The following RPRM variants were observed in gnomAD, a reference collection of about 807,000 sequenced individuals.
The protein encoded by RPRM is reprimo, TP53 dependent G2 arrest mediator homolog, also known as protein reprimo.
A neutral mutation model predicts 5.2 loss-of-function variants in RPRM; 3 were observed. That is an observed-to-expected ratio of 0.58 (90% CI 0.26 to 1.50). The LOEUF (loss-of-function observed/expected upper bound fraction) is 1.50. RPRM is among the 40% of genes most tolerant of loss of function. RPRM has a pLI of 0.13. For synonymous variants in RPRM, 70 were observed against 69.9 expected (o/e 1.00, Z -0.01); for missense variants, 135 against 154.5 (o/e 0.87, Z 0.67).
In RPRM at chr2:153,477,903, A is replaced by G. The variant is rs1244547739; in HGVS notation, c.*333T>C. 3 of 335,870 alleles carry G rather than the reference A, an allele frequency of 8.9e-6. No individual in the cohort carries two copies. Among genetic ancestry groups the G allele is most frequent in the Non-Finnish European group, 1.7e-5 (3 of 180,742 alleles). 20.8% of individuals were successfully genotyped at this position (335,870 alleles called of 1,614,324 possible). On this transcript the variant is annotated 3_prime_UTR_variant, in exon 1 of 1. Transcript: ENST00000325926. Reference sequence around the variant, plus strand: ...GCCCGCCCTCTCCACCTGCCCCCAGAGCTTGGCCCACCTGCGGGTGGAGAA... The same window carrying G: ...GCCCGCCCTCTCCACCTGCCCCCAGGGCTTGGCCCACCTGCGGGTGGAGAA...
rs1018896774 is a variant in RPRM at position 153,478,105 on chromosome 2, G to A, written c.*131C>T. ...AGGGAGAAACCGGTCGCTTCTTTCC[G>A]AAAGGCCGAAGTCGAGAGAAATAAT... On this transcript the variant is annotated 3_prime_UTR_variant, in exon 1 of 1. Transcript: ENST00000325926. The A allele has an allele frequency of 1.4e-6, 1 of 726,294 alleles. No individual in the cohort carries two copies. The allele number at this position is 726,294 out of a possible 1,614,324, so 45.0% of individuals were successfully genotyped here.
In RPRM at chr2:153,478,587, C is replaced by T. The variant is rs754545445; in HGVS notation, c.-22G>A. The T allele has an allele frequency of 6.6e-7, 1 of 1,525,590 alleles. No homozygotes were observed. The highest frequency in any genetic ancestry group is 8.8e-7 in the Non-Finnish European group (1 of 1,138,438). The allele number at this position is 1,525,590 out of a possible 1,614,324, so 94.5% of individuals were successfully genotyped here. ...TCATCGCAGGAACGGGCGGGCGCCG[C>T]GAGCGGCGCGGGTCCGAGGGGTGGG... On this transcript the variant is annotated 5_prime_UTR_variant, in exon 1 of 1. Transcript: ENST00000325926.
Position 153,478,183 on chromosome 2 carries a change from G to A in RPRM, c.*53C>T. ...TCTCTGATAGTGAGGGGCACAGCCG[G>A]GCTAGCAAAGTGGGCAGGCGTGGGA... is the stretch of plus-strand genomic sequence containing the variant. On this transcript the variant is annotated 3_prime_UTR_variant, in exon 1 of 1. Transcript: ENST00000325926. The A allele has an allele frequency of 1.4e-6, 2 of 1,452,498 alleles. No individual in the cohort carries two copies. The highest frequency in any genetic ancestry group is 1.3e-5 in the South Asian group (1 of 78,698). 90.0% of individuals were successfully genotyped at this position (1,452,498 alleles called of 1,614,324 possible).
In RPRM at chr2:153,478,736, C is replaced by T. The variant is rs563173971; in HGVS notation, c.-171G>A. On this transcript the variant is annotated 5_prime_UTR_variant, in exon 1 of 1. Transcript: ENST00000325926. ...CGTGGGAGTTTCCCAGGAGCCTCTCCGACGCGCGCAGCAGCTAGGCTCTTC... is the reference window on the plus strand; with the variant it reads ...CGTGGGAGTTTCCCAGGAGCCTCTCTGACGCGCGCAGCAGCTAGGCTCTTC... 3.8e-5 allele frequency: 23 copies of T among 611,442 alleles called. No homozygotes were observed. The South Asian group carries it at 4.5e-4, about 12-fold the overall frequency. 37.9% of individuals were successfully genotyped at this position (611,442 alleles called of 1,614,324 possible).
At position 153,478,688 on chromosome 2, in the gene RPRM, T is replaced by A; in HGVS notation, c.-123A>T. 1.2e-6 allele frequency: 1 copy of A among 810,128 alleles called. No individual in the cohort carries two copies. The highest frequency in any genetic ancestry group is 1.9e-6 in the Non-Finnish European group (1 of 518,350). 50.2% of individuals were successfully genotyped at this position (810,128 alleles called of 1,614,324 possible). On this transcript the variant is annotated 5_prime_UTR_variant, in exon 1 of 1. Coordinates refer to ENST00000325926, the MANE Select transcript of RPRM (RefSeq NM_019845.3). ...ACTAGCGCGTGCGAGGGCTCCTCGC[T>A]CTGCTTTCGAAAGTCCCTGGGCCGT...
rs1476196118 is a variant in RPRM, at chr2:153,477,386, A to C, written c.*850T>G. 2 of 152,642 alleles carry C rather than the reference A, an allele frequency of 1.3e-5. No individual in the cohort carries two copies. Among genetic ancestry groups the C allele is most frequent in the African/African-American group, 4.8e-5 (2 of 41,450 alleles). The allele number at this position is 152,642 out of a possible 1,614,324, so 9.5% of individuals were successfully genotyped here. A position where few individuals can be genotyped will look rare whatever the true frequency, so the allele number is the denominator to read the frequency against. On this transcript the variant is annotated 3_prime_UTR_variant, in exon 1 of 1. Transcript: ENST00000325926. ...TAAGGAAATGTTAAATAAGAAAAAA[A>C]CAAAAAGTCAAAACGGTGTCACGGA... is the stretch of plus-strand genomic sequence containing the variant.
chr2:153,477,783 A>G lies in RPRM; in HGVS notation c.*453T>C, dbSNP rs973231877. 1 of 160,896 alleles carries G rather than the reference A, an allele frequency of 6.2e-6. No homozygotes were observed. The highest frequency in any genetic ancestry group is 2.4e-5 in the African/African-American group (1 of 41,590). The allele number at this position is 160,896 out of a possible 1,614,324, so 10.0% of individuals were successfully genotyped here. On this transcript the variant is annotated 3_prime_UTR_variant, in exon 1 of 1. Coordinates refer to ENST00000325926, the MANE Select transcript of RPRM (RefSeq NM_019845.3). ...AGGAGAAGAGTGGGAGCGCACCCGG[A>G]CACGGATTTGTGAGACCCCATGAGT...
rs1407371489 is a variant in RPRM at position 153,477,492 on chromosome 2, G to T, written c.*744C>A. 6.6e-6 allele frequency: 1 copy of T among 152,510 alleles called. No homozygotes were observed. Among genetic ancestry groups the T allele is most frequent in the Non-Finnish European group, 1.5e-5 (1 of 68,032 alleles). The allele number at this position is 152,510 out of a possible 1,614,324, so 9.4% of individuals were successfully genotyped here. A position where few individuals can be genotyped will look rare whatever the true frequency, so the allele number is the denominator to read the frequency against. On this transcript the variant is annotated 3_prime_UTR_variant, in exon 1 of 1. Transcript: ENST00000325926. ...CTGGGTCTTTGTCCCAGGGCCAGCAGGAACGCTAGACGCCTCCCAAAAGAC... is the reference window on the plus strand; with the variant it reads ...CTGGGTCTTTGTCCCAGGGCCAGCATGAACGCTAGACGCCTCCCAAAAGAC...
rs1684190875 is a variant in RPRM, at chr2:153,478,392, C to A, written c.174G>T (p.Gln58His). The A allele has an allele frequency of 6.2e-7, 1 of 1,614,080 alleles. No homozygotes were observed. The highest frequency in any genetic ancestry group is 1.1e-5 in the South Asian group (1 of 91,096). ...ERSLYIMRVV[Q>H]IAVMCVLSLT... ...GTGAGAGCACGCACATGACCGCGAT[C>A]TGCACCACGCGCATTATGTACAGGC... The change falls in exon 1 of 1, where the codon CAG becomes CAT. Residue 58 changes from glutamine (Q) to histidine (H), a missense_variant. Physicochemically the swap from Gln to His is conservative, Grantham distance 24. Transcript: ENST00000325926.
rs1277814585 is a variant in RPRM, at chr2:153,478,631, G to A, written c.-66C>T. On this transcript the variant is annotated 5_prime_UTR_variant, in exon 1 of 1. Transcript: ENST00000325926. ...GGGTGGGAAGGCGGCGGCGCTGGAG[G>A]AACAGGTGCCGGGCTGAGCGCTCAC... 12 of 1,309,528 alleles carry A rather than the reference G, an allele frequency of 9.2e-6. No homozygotes were observed. In the Admixed American group the frequency reaches 3.0e-4, roughly 33 times the overall value. 81.1% of individuals were successfully genotyped at this position (1,309,528 alleles called of 1,614,324 possible).
chr2:153,478,702 T>C lies in RPRM; in HGVS notation c.-137A>G. ...GGGCTCCTCGCTCTGCTTTCGAAAGTCCCTGGGCCGTGGGAGTTTCCCAGG... is the reference window on the plus strand; with the variant it reads ...GGGCTCCTCGCTCTGCTTTCGAAAGCCCCTGGGCCGTGGGAGTTTCCCAGG... On this transcript the variant is annotated 5_prime_UTR_variant, in exon 1 of 1. Coordinates refer to ENST00000325926, the MANE Select transcript of RPRM (RefSeq NM_019845.3). 1 of 725,300 alleles carries C rather than the reference T, an allele frequency of 1.4e-6. No homozygotes were observed. The highest frequency in any genetic ancestry group is 2.0e-5 in the South Asian group (1 of 51,034). 44.9% of individuals were successfully genotyped at this position (725,300 alleles called of 1,614,324 possible).
Position 153,477,499 on chromosome 2 carries a change from T to C in RPRM, c.*737A>G, listed in dbSNP as rs1021276679. The C allele has an allele frequency of 1.4e-4, 22 of 152,384 alleles. No individual in the cohort carries two copies. Among genetic ancestry groups the C allele is most frequent in the African/African-American group, 5.1e-4 (21 of 41,306 alleles). 9.4% of individuals were successfully genotyped at this position (152,384 alleles called of 1,614,324 possible). ...TTTGTCCCAGGGCCAGCAGGAACGC[T>C]AGACGCCTCCCAAAAGACCCAGTGG... On this transcript the variant is annotated 3_prime_UTR_variant, in exon 1 of 1. Transcript: ENST00000325926.
Position 153,478,037 on chromosome 2 carries a change from G to C in RPRM, c.*199C>G. 1 of 590,370 alleles carries C rather than the reference G, an allele frequency of 1.7e-6. No homozygotes were observed. 36.6% of individuals were successfully genotyped at this position (590,370 alleles called of 1,614,324 possible). ...ACTTTCTGCTGAGTTCAGAGTCTGG[G>C]CGCTCTCCTCCGACTGCCAGGCATG... On this transcript the variant is annotated 3_prime_UTR_variant, in exon 1 of 1. Transcript: ENST00000325926.
chr2:153,478,349 T>G lies in RPRM; in HGVS notation c.217A>C (p.Ile73Leu), dbSNP rs1238353347. ...AGCAGATTGCAGCCGAGGAAGAAGA[T>G]GCCGAAGACCACGGTGAGTGAGAGC... ...CVLSLTVVFG[I>L]FFLGCNLLIK... Residue 73 changes from isoleucine (I) to leucine (L), a missense_variant, in exon 1 of 1, where the codon ATC becomes CTC. By Grantham distance (5) the Ile-to-Leu change is conservative. Transcript: ENST00000325926. 1 of 1,614,164 alleles carries G rather than the reference T, an allele frequency of 6.2e-7. No homozygotes were observed. Among genetic ancestry groups the G allele is most frequent in the Non-Finnish European group, 8.5e-7 (1 of 1,180,020 alleles).
chr2:153,478,244 G>GCC lies in RPRM; in HGVS notation c.320_321dup (p.Pro108GlyfsTer59). On this transcript the variant is annotated frameshift_variant, in exon 1 of 1. Transcript: ENST00000325926. LOFTEE classifies it high-confidence loss of function. ...CGGGGGCAGAGGGCGGGTCAGTAGGGCCCCACGACCACCGCCTCCACCTCC... is the reference window on the plus strand; with the variant it reads ...CGGGGGCAGAGGGCGGGTCAGTAGGGCCCCCCACGACCACCGCCTCCACCTCC... The GCC allele has an allele frequency of 6.2e-7, 1 of 1,611,558 alleles. No homozygotes were observed. Among genetic ancestry groups the GCC allele is most frequent in the Non-Finnish European group, 8.5e-7 (1 of 1,178,934 alleles).
chr2:153,478,728 A>G lies in RPRM; in HGVS notation c.-163T>C. The stretch of plus-strand genomic sequence containing the variant: ...CCCTGGGCCGTGGGAGTTTCCCAGG[A>G]GCCTCTCCGACGCGCGCAGCAGCTA... On this transcript the variant is annotated 5_prime_UTR_variant, in exon 1 of 1. Transcript: ENST00000325926. 1 of 628,230 alleles carries G rather than the reference A, an allele frequency of 1.6e-6. No individual in the cohort carries two copies. Among genetic ancestry groups the G allele is most frequent in the Non-Finnish European group, 2.8e-6 (1 of 360,446 alleles). 38.9% of individuals were successfully genotyped at this position (628,230 alleles called of 1,614,324 possible). A position where few individuals can be genotyped will look rare whatever the true frequency, so the allele number is the denominator to read the frequency against.
chr2:153,478,668 C>A lies in RPRM; in HGVS notation c.-103G>T, dbSNP rs1161428800. On this transcript the variant is annotated 5_prime_UTR_variant, in exon 1 of 1. Coordinates refer to ENST00000325926, the MANE Select transcript of RPRM (RefSeq NM_019845.3). Reference sequence around the variant, plus strand: ...GGCTGAGCGCTCACTCGCAGACTAGCGCGTGCGAGGGCTCCTCGCTCTGCT... The same window carrying A: ...GGCTGAGCGCTCACTCGCAGACTAGAGCGTGCGAGGGCTCCTCGCTCTGCT... 7.3e-6 allele frequency: 7 copies of A among 955,788 alleles called. No homozygotes were observed. In the East Asian group the frequency reaches 1.3e-4, roughly 18 times the overall value. 59.2% of individuals were successfully genotyped at this position (955,788 alleles called of 1,614,324 possible).
rs543424745 is a variant in RPRM at position 153,478,725 on chromosome 2, A to G, written c.-160T>C. On this transcript the variant is annotated 5_prime_UTR_variant, in exon 1 of 1. Coordinates refer to ENST00000325926, the MANE Select transcript of RPRM (RefSeq NM_019845.3). ...AGTCCCTGGGCCGTGGGAGTTTCCCAGGAGCCTCTCCGACGCGCGCAGCAG... is the reference window on the plus strand; with the variant it reads ...AGTCCCTGGGCCGTGGGAGTTTCCCGGGAGCCTCTCCGACGCGCGCAGCAG... 159 of 639,542 alleles carry G rather than the reference A, an allele frequency of 2.5e-4. No individual in the cohort carries two copies. In the African/African-American group the frequency reaches 2.8e-3, roughly 11 times the overall value. 39.6% of individuals were successfully genotyped at this position (639,542 alleles called of 1,614,324 possible). A position where few individuals can be genotyped will look rare whatever the true frequency, so the allele number is the denominator to read the frequency against.
At position 153,478,647 on chromosome 2, in the gene RPRM, G is replaced by T; in HGVS notation, c.-82C>A. 1 of 1,165,584 alleles carries T rather than the reference G, an allele frequency of 8.6e-7. No homozygotes were observed. Among genetic ancestry groups the T allele is most frequent in the Non-Finnish European group, 1.2e-6 (1 of 838,630 alleles). 72.2% of individuals were successfully genotyped at this position (1,165,584 alleles called of 1,614,324 possible). A position where few individuals can be genotyped will look rare whatever the true frequency, so the allele number is the denominator to read the frequency against. ...GCGCTGGAGGAACAGGTGCCGGGCT[G>T]AGCGCTCACTCGCAGACTAGCGCGT... On this transcript the variant is annotated 5_prime_UTR_variant, in exon 1 of 1. Transcript: ENST00000325926.
Sources: gnomAD v4.1 joint callset for allele counts on GRCh38, gnomAD v4.1.1 for gene constraint, MANE v1.5 for transcripts, NCBI Gene and HGNC (gene_info 2026-07-23, HGNC 2026-07-21) for gene names.